The following GALNTL6 variants were observed in gnomAD, a reference collection of about 807,000 sequenced individuals.
GALNTL6 encodes polypeptide N-acetylgalactosaminyltransferase-like 6.
In GALNTL6, 46 loss-of-function variants were observed where a neutral mutation model predicts 73.7. The ratio of observed to expected loss-of-function variants is 0.62; its 90% CI spans 0.49 to 0.80. The LOEUF (loss-of-function observed/expected upper bound fraction) is 0.80, where lower values mean the gene tolerates loss of function less well. Among genes scored for constraint, GALNTL6 ranks in the 30% least tolerant of loss-of-function variants. The probability of loss-of-function intolerance (pLI) is 0.00; values close to 1 mark genes in which losing one functional copy is unlikely to be tolerated. For synonymous variants in GALNTL6, 259 were observed against 263.7 expected (o/e 0.98, Z 0.17); for missense variants, 604 against 755.0 (o/e 0.80, Z 2.34).
chr4:172,785,952 G>C (rs1739628427), intron 5 of GALNTL6, among the ~76,000 whole-genome samples: 2 of 152,052 alleles, frequency 1.3e-5, no homozygotes, highest in Admixed American at 1.3e-4. Context: ...AAGATTAAAG[G>C]TAATCAATGG....
At chr4:172,523,027 C>T (rs544345011) in intron 5 of GALNTL6, among the ~76,000 whole-genome samples, 16 of 152,186 alleles carry the variant, frequency 1.1e-4, no homozygotes, top group African/African-American at 3.9e-4. Context: ...ATAAATTTTG[C>T]TTTTATTTAT....
chr4:172,004,804 T>C (rs1329119178), intron 2 of GALNTL6, among the ~76,000 whole-genome samples: 1 of 152,058 alleles, frequency 6.6e-6, no homozygotes, highest in African/African-American at 2.4e-5. Flanking sequence ...TTGTCTCCTT[T>C]AGGAATCACT....
chr4:172,030,735 A>G (rs961218270), intron 2 of GALNTL6, among the ~76,000 whole-genome samples: 1 of 151,476 alleles, frequency 6.6e-6, no homozygotes, highest in South Asian at 2.1e-4. Context: ...TGGGGGACAT[A>G]TTTTATATAT....
At chr4:172,339,257 C>CCACACACACACACACACACACACA (rs70941402) in intron 4 of GALNTL6, among the ~76,000 whole-genome samples, 8 of 120,950 alleles carry the variant, frequency 6.6e-5, no homozygotes, top group South Asian at 3.0e-4. Flanking sequence ...CACACACACA[C>CCACACACACACACACACACACACA]CACACACACA....
intron 5 of GALNTL6, among the ~76,000 whole-genome samples, chr4:172,376,675 C>T (rs962307518): frequency 5.3e-5 from 8 of 152,076 alleles, no homozygotes; most frequent in Non-Finnish European, 1.0e-4. Context: ...TGGTACTCAC[C>T]GCTTGGCGAT....
chr4:172,439,748 C>G (rs1473180933), intron 5 of GALNTL6, among the ~76,000 whole-genome samples: 1 of 151,934 alleles, frequency 6.6e-6, no homozygotes, highest in Non-Finnish European at 1.5e-5. Flanking sequence ...ATCCCTTGTC[C>G]AAATCAATCC....
intron 5 of GALNTL6, among the ~76,000 whole-genome samples, chr4:172,503,669 T>C (rs1188613980): frequency 2.0e-5 from 3 of 151,600 alleles, no homozygotes; most frequent in Non-Finnish European, 4.4e-5. Flanking sequence ...ACAAAAATGT[T>C]ACAGAAGTGA....
At chr4:172,371,651 CTT>C (rs1287789616) in intron 5 of GALNTL6, among the ~76,000 whole-genome samples, 6 of 151,994 alleles carry the variant, frequency 3.9e-5, no homozygotes, top group Non-Finnish European at 8.8e-5. Flanking sequence ...GTCTCCTTCT[CTT>C]TGTCTCTGCT....
chr4:171,963,701 C>G (rs552068557), intron 2 of GALNTL6, among the ~76,000 whole-genome samples: 1 of 152,014 alleles, frequency 6.6e-6, no homozygotes, highest in Admixed American at 6.6e-5. Flanking sequence ...TCTTGATAAC[C>G]CAGCTTTAGC....
At chr4:171,989,046 T>A (rs1044131597) in intron 2 of GALNTL6, among the ~76,000 whole-genome samples, 1 of 151,998 alleles carries the variant, frequency 6.6e-6, no homozygotes, top group African/African-American at 2.4e-5. Flanking sequence ...AAAGGAGTGC[T>A]TAAAAGAGTA....
At chr4:172,606,327 G>C (rs968912402) in intron 5 of GALNTL6, among the ~76,000 whole-genome samples, 1 of 151,476 alleles carries the variant, frequency 6.6e-6, no homozygotes, top group Non-Finnish European at 1.5e-5. Context: ...GGTGGCGCAT[G>C]CCTGTAATCC....
At chr4:172,643,672 G>A (rs1006179716) in intron 5 of GALNTL6, among the ~76,000 whole-genome samples, 3 of 151,928 alleles carry the variant, frequency 2.0e-5, no homozygotes, top group Non-Finnish European at 2.9e-5. Context: ...CACACACTGA[G>A]TAATCCTAGT....
rs141278093 is a variant in GALNTL6 at position 172,122,591 on chromosome 4, G to A, written c.139-107065G>A. On this transcript the variant is annotated intron_variant, in intron 2 of 12. Coordinates refer to ENST00000506823, the MANE Select transcript of GALNTL6 (RefSeq NM_001034845.3). ...GGGAGGGGAATGGAGTTTATAACGA[G>A]CAAAAGACTATTCCTAGGCAAGTTA... 4.7e-4 allele frequency among the ~76,000 whole-genome samples: 71 copies of A among 152,290 alleles called. 1 individual carries two copies. In the East Asian group the frequency reaches 0.012, roughly 25 times the overall value.
At chr4:172,706,159 CT>C (rs1262942746) in intron 5 of GALNTL6, among the ~76,000 whole-genome samples, 1 of 151,768 alleles carries the variant, frequency 6.6e-6, no homozygotes, top group African/African-American at 2.4e-5. Context: ...TTTTTGTTTT[CT>C]TTTTTCTCTT....
chr4:172,237,884 A>G (rs1254353220), intron 3 of GALNTL6, among the ~76,000 whole-genome samples: 2 of 152,100 alleles, frequency 1.3e-5, no homozygotes, highest in African/African-American at 4.8e-5. Flanking sequence ...TTTGTCAAAG[A>G]TCAGGTGGTT....
At chr4:172,488,539 A>G (rs1028131750) in intron 5 of GALNTL6, among the ~76,000 whole-genome samples, 2 of 152,194 alleles carry the variant, frequency 1.3e-5, no homozygotes, top group African/African-American at 4.8e-5. Flanking sequence ...GCACAGTAAG[A>G]CAGCTTACCT....
chr4:171,843,185 T>C lies in GALNTL6; in HGVS notation c.138+28467T>C, dbSNP rs138880950. Among the ~76,000 whole-genome samples, 69 of 152,284 alleles carry C rather than the reference T, an allele frequency of 4.5e-4. No homozygotes were observed. The East Asian group carries it at 8.7e-3, about 19-fold the overall frequency. On this transcript the variant is annotated intron_variant, in intron 2 of 12. Coordinates refer to ENST00000506823, the MANE Select transcript of GALNTL6 (RefSeq NM_001034845.3). ...ATGCTAAATTTCTTGGTAGCTCATATAGAGGCATCGTAGCAGGACACACTT... is the reference window on the plus strand; with the variant it reads ...ATGCTAAATTTCTTGGTAGCTCATACAGAGGCATCGTAGCAGGACACACTT...
chr4:171,945,630 T>C (rs1364606296), intron 2 of GALNTL6, among the ~76,000 whole-genome samples: 1 of 152,140 alleles, frequency 6.6e-6, no homozygotes, highest in Non-Finnish European at 1.5e-5. Context: ...GTCTTTCTGC[T>C]CATAAAGAAT....
intron 5 of GALNTL6, among the ~76,000 whole-genome samples, chr4:172,714,923 T>C (rs1734970567): frequency 2.6e-5 from 4 of 152,048 alleles, no homozygotes; most frequent in African/African-American, 9.7e-5. Context: ...AACATTTAGG[T>C]GGACTATTGA....
Sources: gnomAD v4.1 joint callset for allele counts (sites outside exome capture counted in the v4.1 genomes callset) on GRCh38, gnomAD v4.1.1 for gene constraint, MANE v1.5 for transcripts, NCBI Gene and HGNC (gene_info 2026-07-23, HGNC 2026-07-21) for gene names.